The following NLN variants were observed in gnomAD, a reference collection of about 807,000 sequenced individuals.
NLN encodes the protein neurolysin, mitochondrial.
A neutral mutation model predicts 79.9 loss-of-function variants in NLN; 64 were observed. The ratio of observed to expected loss-of-function variants is 0.80; its 90% CI spans 0.65 to 0.99. NLN has a LOEUF of 0.99. NLN is among the 50% of genes least tolerant of loss of function. NLN has a pLI of 0.00. For synonymous variants in NLN, 267 were observed against 296.6 expected, an observed-to-expected ratio of 0.90 and a Z score of 1.02; for missense variants, 835 against 858.7, an observed-to-expected ratio of 0.97 and a Z score of 0.34.
intron 1 of NLN, among the ~76,000 whole-genome samples, chr5:65,725,327 A>G (rs2150730513): frequency 6.6e-6 from 1 of 152,350 alleles, no homozygotes; most frequent in Admixed American, 6.5e-5. Flanking sequence ...AAAGTTTGAC[A>G]AATCGTAGCT....
chr5:65,770,536 G>A (rs1314643928), intron 3 of NLN, among the ~76,000 whole-genome samples: 2 of 152,162 alleles, frequency 1.3e-5, no homozygotes, highest in Admixed American at 1.3e-4. Flanking sequence ...TATCTTTGTG[G>A]ATATGGATCA....
intron 12 of NLN, among the ~76,000 whole-genome samples, chr5:65,817,477 G>T (rs1468403142): frequency 6.6e-6 from 1 of 152,120 alleles, no homozygotes; most frequent in Non-Finnish European, 1.5e-5. Flanking sequence ...AATAATGGGG[G>T]CATTTTAACC....
Position 65,829,006 on chromosome 5 carries a change from A to G in NLN, c.*6091A>G, listed in dbSNP as rs1760971092. The G allele has an allele frequency of 6.6e-6, 1 of 152,222 alleles. No homozygotes were observed. The highest frequency in any genetic ancestry group is 2.4e-5 in the African/African-American group (1 of 41,446). 9.4% of individuals were successfully genotyped at this position (152,222 alleles called of 1,614,324 possible). The stretch of plus-strand genomic sequence containing the variant: ...GAGGATGGGAGATTAACTGTTGTAT[A>G]TGACCATAGTAAAGCAAAAGACTGT... On this transcript the variant is annotated 3_prime_UTR_variant, in exon 13 of 13. Transcript: ENST00000380985.
chr5:65,736,490 C>A (rs1292428640), intron 1 of NLN, among the ~76,000 whole-genome samples: 4 of 152,128 alleles, frequency 2.6e-5, no homozygotes, highest in African/African-American at 7.2e-5. Context: ...ATGCCCAATT[C>A]TTTTTCCAAA....
intron 1 of NLN, among the ~76,000 whole-genome samples, chr5:65,738,751 A>G (rs957723852): frequency 1.3e-5 from 2 of 149,942 alleles, no homozygotes; most frequent in African/African-American, 4.9e-5. Flanking sequence ...GCTAGTAACT[A>G]CCTTTCTACA....
intron 1 of NLN, among the ~76,000 whole-genome samples, chr5:65,752,173 G>T (rs1759116294): frequency 6.6e-6 from 1 of 152,042 alleles, no homozygotes; most frequent in Non-Finnish European, 1.5e-5. Flanking sequence ...GAAGGTTGAG[G>T]CTACAGTGAG....
rs529615361 is a variant in NLN at position 65,792,435 on chromosome 5, G to A, written c.1326-19G>A. On this transcript the variant is annotated intron_variant, in intron 8 of 12. Transcript: ENST00000380985. ...AGGAGAATTTTCCTATGTTGCCAAC[G>A]CGTGTTTCTGGCTCCTAGGGAAGGA... 92 of 1,582,906 alleles carry A rather than the reference G, an allele frequency of 5.8e-5. No individual in the cohort carries two copies. In the South Asian group the frequency reaches 6.9e-4, roughly 12 times the overall value.
intron 2 of NLN, among the ~76,000 whole-genome samples, chr5:65,760,743 C>G (rs1407648795): frequency 1.3e-5 from 2 of 152,100 alleles, no homozygotes; most frequent in Non-Finnish European, 2.9e-5. Flanking sequence ...ATGTATGTTG[C>G]CCACTCCTTG....
intron 12 of NLN, among the ~76,000 whole-genome samples, chr5:65,816,556 GA>G (rs1760676218): frequency 6.6e-6 from 1 of 150,474 alleles, no homozygotes; most frequent in South Asian, 2.1e-4. Flanking sequence ...AAAAGAAACA[GA>G]AAAATACTTC....
At chr5:65,767,731 C>T (rs1300797060) in intron 3 of NLN, among the ~76,000 whole-genome samples, 4 of 152,180 alleles carry the variant, frequency 2.6e-5, no homozygotes, top group African/African-American at 9.7e-5. Context: ...AAACATAAGT[C>T]CCGATTTCAA....
At chr5:65,773,961 CA>C (rs1305570337) in intron 3 of NLN, among the ~76,000 whole-genome samples, 4 of 151,458 alleles carry the variant, frequency 2.6e-5, no homozygotes, top group Non-Finnish European at 4.4e-5. Flanking sequence ...TAATAATAAT[CA>C]ACTCAATTTT....
rs1758653034 is a variant in NLN, at chr5:65,733,298, A to G, written c.41+10884A>G. On this transcript the variant is annotated intron_variant, in intron 1 of 12. Coordinates refer to ENST00000380985, the MANE Select transcript of NLN (RefSeq NM_020726.5). Reference sequence around the variant, plus strand: ...CTGCTACTCTCGAGACCCTCACGTTAAAGGACTGTCAGATCCAGGACTCCC... The same window carrying G: ...CTGCTACTCTCGAGACCCTCACGTTGAAGGACTGTCAGATCCAGGACTCCC... The G allele has an allele frequency of 5.3e-6, 8 of 1,514,736 alleles. 1 individual carries two copies. In the South Asian group the frequency reaches 8.0e-5, roughly 15 times the overall value. The allele number at this position is 1,514,736 out of a possible 1,614,324, so 93.8% of individuals were successfully genotyped here. A position where few individuals can be genotyped will look rare whatever the true frequency, so the allele number is the denominator to read the frequency against.
intron 9 of NLN, chr5:65,792,988 T>C (rs745892465): frequency 2.6e-6 from 1 of 384,418 alleles, no homozygotes; most frequent in Non-Finnish European, 5.0e-6. Flanking sequence ...AACTGTGCTG[T>C]AATCTGTCTC....
intron 9 of NLN, among the ~76,000 whole-genome samples, chr5:65,806,679 A>T (rs1760419766): frequency 6.6e-6 from 1 of 152,256 alleles, no homozygotes; most frequent in South Asian, 2.1e-4. Context: ...AATATCGTTG[A>T]AATGACTGAC....
At chr5:65,729,055 G>T (rs1194889054) in intron 1 of NLN, among the ~76,000 whole-genome samples, 1 of 152,188 alleles carries the variant, frequency 6.6e-6, no homozygotes, top group African/African-American at 2.4e-5. Flanking sequence ...TGTTGCCCAA[G>T]CTGGTCTCTA....
chr5:65,806,692 C>T (rs903541895), intron 9 of NLN, among the ~76,000 whole-genome samples: 3 of 152,102 alleles, frequency 2.0e-5, no homozygotes, highest in South Asian at 4.1e-4. Flanking sequence ...TGACTGACCA[C>T]GAAGGATTTT....
At position 65,732,285 on chromosome 5, in the gene NLN, G is replaced by A. The variant is rs1193388917; in HGVS notation, c.41+9871G>A. 9.0e-5 allele frequency among the ~76,000 whole-genome samples: 8 copies of A among 88,866 alleles called. 2 individuals carry two copies. The highest frequency in any genetic ancestry group is 1.3e-4 in the Non-Finnish European group (5 of 38,900). 58.3% of individuals were successfully genotyped at this position (88,866 alleles called of 152,430 possible). Reference sequence around the variant, plus strand: ...AAGACTCTGCCCAGAGGGATGGCCCGGGCCAGATGCTACAGAGAGAGACAT... The same window carrying A: ...AAGACTCTGCCCAGAGGGATGGCCCAGGCCAGATGCTACAGAGAGAGACAT... On this transcript the variant is annotated intron_variant, in intron 1 of 12. Transcript: ENST00000380985.
intron 6 of NLN, among the ~76,000 whole-genome samples, chr5:65,783,538 G>T (rs143519352): frequency 6.6e-6 from 1 of 152,048 alleles, no homozygotes; most frequent in East Asian, 1.9e-4. Flanking sequence ...GCTGGGAAAC[G>T]TAATTAGGTA....
At chr5:65,758,469 C>T in intron 1 of NLN, 98 bp from the exon 2 acceptor site, 1 of 804,530 alleles carries the variant, frequency 1.2e-6, no homozygotes, top group Non-Finnish European at 1.9e-6. Flanking sequence ...TAAAAAGGTT[C>T]TTTTTAATTT....
Sources: gnomAD v4.1 joint callset for allele counts (sites outside exome capture counted in the v4.1 genomes callset) on GRCh38, gnomAD v4.1.1 for gene constraint, MANE v1.5 for transcripts, NCBI Gene and HGNC (gene_info 2026-07-23, HGNC 2026-07-21) for gene names.